The following ZNF385B variants were observed in gnomAD, a reference collection of about 807,000 sequenced individuals.
The protein encoded by ZNF385B is zinc finger protein 533.
ZNF385B carries 23 observed loss-of-function variants against 39.2 expected under a neutral mutation model. The ratio of observed to expected loss-of-function variants is 0.59; its 90% CI spans 0.42 to 0.83. ZNF385B has a LOEUF of 0.83. ZNF385B is among the 40% of genes least tolerant of loss of function. ZNF385B has a pLI of 0.00. For missense variants in ZNF385B, 552 were observed against 598.9 expected (o/e 0.92, Z 0.82); for synonymous variants, 205 against 222.6 (o/e 0.92, Z 0.70).
At chr2:179,524,551 C>CAAAAAAAAGAAAAAAA (rs1300764305) in intron 4 of ZNF385B, among the ~76,000 whole-genome samples, 16 of 60,972 alleles carry the variant, frequency 2.6e-4, no homozygotes, top group Non-Finnish European at 4.0e-4. Flanking sequence ...GACTCCGTCT[C>CAAAAAAAAGAAAAAAA]AAAAAAAAAA....
chr2:179,795,892 C>A (rs1705632643), intron 1 of ZNF385B, among the ~76,000 whole-genome samples: 1 of 152,164 alleles, frequency 6.6e-6, no homozygotes, highest in African/African-American at 2.4e-5. Flanking sequence ...AGCACCTACA[C>A]ACAGTGAGAA....
intron 5 of ZNF385B, among the ~76,000 whole-genome samples, chr2:179,512,128 A>G (rs1368263326): frequency 6.6e-6 from 1 of 152,132 alleles, no homozygotes; most frequent in African/African-American, 2.4e-5. Context: ...GACTTAGAGT[A>G]TATAAAACTT....
In ZNF385B at chr2:179,544,848, C is replaced by G. The variant is rs2060128079; in HGVS notation, c.420G>C (p.Gly140=). 6.2e-7 allele frequency: 1 copy of G among 1,613,950 alleles called. No homozygotes were observed. Among genetic ancestry groups the G allele is most frequent in the South Asian group, 1.1e-5 (1 of 91,068 alleles). ...SFPVDSSSAV[G]LFPNFNTMDP... ...TCACTGTGTTAAAATTTGGAAAGAG[C>G]CCAACAGCAGAACTACTGTCCACTG... Residue 140 remains glycine (G), a synonymous_variant, in exon 4 of 10, where the codon GGG becomes GGC. Coordinates refer to ENST00000410066, the MANE Select transcript of ZNF385B (RefSeq NM_152520.6).
intron 1 of ZNF385B, among the ~76,000 whole-genome samples, chr2:179,830,995 T>A (rs1575568781): frequency 6.6e-6 from 1 of 152,210 alleles, no homozygotes; most frequent in African/African-American, 2.4e-5. Context: ...TCTGCTCAAC[T>A]TTTCTGTAAA....
intron 3 of ZNF385B, among the ~76,000 whole-genome samples, chr2:179,712,703 T>C (rs1700080765): frequency 6.6e-6 from 1 of 152,178 alleles, no homozygotes; most frequent in Non-Finnish European, 1.5e-5. Context: ...AAATCAGAAT[T>C]TGCACTTTAA....
chr2:179,762,492 G>A (rs1703462308), intron 3 of ZNF385B, among the ~76,000 whole-genome samples: 1 of 151,920 alleles, frequency 6.6e-6, no homozygotes, highest in Non-Finnish European at 1.5e-5. Context: ...ATGCCCAGGT[G>A]GTAGATTATT....
At chr2:179,852,797 G>A (rs1220813790) in intron 1 of ZNF385B, among the ~76,000 whole-genome samples, 1 of 152,180 alleles carries the variant, frequency 6.6e-6, no homozygotes, top group Non-Finnish European at 1.5e-5. Flanking sequence ...GTGAGTCAGA[G>A]CTTTCAAGGG....
At chr2:179,658,971 T>C (rs1694134603) in intron 3 of ZNF385B, among the ~76,000 whole-genome samples, 1 of 152,152 alleles carries the variant, frequency 6.6e-6, no homozygotes, top group Admixed American at 6.5e-5. Flanking sequence ...GAGATGGGGC[T>C]TCACCATGTT....
At chr2:179,781,695 A>G (rs1704673699) in intron 1 of ZNF385B, among the ~76,000 whole-genome samples, 1 of 152,042 alleles carries the variant, frequency 6.6e-6, no homozygotes, top group Non-Finnish European at 1.5e-5. Context: ...ACCTCTATAT[A>G]CTCTATATAC....
intron 3 of ZNF385B, among the ~76,000 whole-genome samples, chr2:179,560,144 C>A (rs2061234877): frequency 6.6e-6 from 1 of 152,020 alleles, no homozygotes; most frequent in Non-Finnish European, 1.5e-5. Flanking sequence ...TTCATTTTGG[C>A]TCCCCAAATA....
chr2:179,621,164 G>A (rs772512804), intron 3 of ZNF385B, among the ~76,000 whole-genome samples: 5 of 151,972 alleles, frequency 3.3e-5, no homozygotes, highest in Non-Finnish European at 1.5e-5. Flanking sequence ...AAAAAGGGGA[G>A]GGGGAAAAAG....
intron 3 of ZNF385B, among the ~76,000 whole-genome samples, chr2:179,556,480 C>T (rs2060914142): frequency 6.7e-6 from 1 of 149,684 alleles, no homozygotes; most frequent in South Asian, 2.1e-4. Flanking sequence ...CTCAAGTTTT[C>T]TGCAATAATT....
In ZNF385B at chr2:179,850,107, T is replaced by C. The variant is rs259813; in HGVS notation, c.-155+10994A>G. 7.6e-3 allele frequency among the ~76,000 whole-genome samples: 1,162 copies of C among 152,290 alleles called. 18 individuals carry two copies. The highest frequency in any genetic ancestry group is 0.027 in the African/African-American group (1,102 of 41,550). On this transcript the variant is annotated intron_variant, in intron 1 of 9. Transcript: ENST00000410066. Reference sequence around the variant, plus strand: ...TAATAAGTGCAGTGTGCTCAAAAGCTGGAAAAATAATAAAAAGCTGGGGGG... The same window carrying C: ...TAATAAGTGCAGTGTGCTCAAAAGCCGGAAAAATAATAAAAAGCTGGGGGG...
intron 6 of ZNF385B, among the ~76,000 whole-genome samples, chr2:179,465,124 C>T (rs567460648): frequency 1.4e-3 from 206 of 152,202 alleles, no homozygotes; most frequent in Non-Finnish European, 2.3e-3. Context: ...GAAACTTTTT[C>T]CCTTCAATGT....
At chr2:179,761,676 C>T (rs1703396569) in intron 3 of ZNF385B, among the ~76,000 whole-genome samples, 1 of 151,426 alleles carries the variant, frequency 6.6e-6, no homozygotes, top group South Asian at 2.1e-4. Flanking sequence ...CCTCTTGAGC[C>T]CAAGCAATCC....
Position 179,825,538 on chromosome 2 carries a change from C to T in ZNF385B, c.-155+35563G>A, listed in dbSNP as rs114054838. Among the ~76,000 whole-genome samples, 854 of 152,246 alleles carry T rather than the reference C, an allele frequency of 5.6e-3. 13 individuals carry two copies. Among genetic ancestry groups the T allele is most frequent in the African/African-American group, 0.02 (828 of 41,554 alleles). ...AAATAACCACCCCCCAGTATTCTAA[C>T]AGTTTAAAGGCAAGATTTAAAAGCA... is the stretch of plus-strand genomic sequence containing the variant. On this transcript the variant is annotated intron_variant, in intron 1 of 9. Coordinates refer to ENST00000410066, the MANE Select transcript of ZNF385B (RefSeq NM_152520.6).
chr2:179,445,109 A>G, intron 8 of ZNF385B, 132 bp from the exon 9 acceptor site: 1 of 754,334 alleles, frequency 1.3e-6, no homozygotes, highest in Non-Finnish European at 2.3e-6. Context: ...TAAAATCATT[A>G]TGATTTCTAA....
At chr2:179,805,332 T>C (rs1706283723) in intron 1 of ZNF385B, among the ~76,000 whole-genome samples, 1 of 152,162 alleles carries the variant, frequency 6.6e-6, no homozygotes, top group Non-Finnish European at 1.5e-5. Context: ...CTAGGCATCA[T>C]CACATGCTCA....
intron 3 of ZNF385B, among the ~76,000 whole-genome samples, chr2:179,644,348 CT>C (rs11319580): frequency 0.27 from 41,280 of 151,986 alleles, 5,969 homozygotes; most frequent in South Asian, 0.36. Flanking sequence ...CAGAACAATC[CT>C]ACCAGTTAGG....
Sources: gnomAD v4.1 joint callset for allele counts (sites outside exome capture counted in the v4.1 genomes callset) on GRCh38, gnomAD v4.1.1 for gene constraint, MANE v1.5 for transcripts, NCBI Gene and HGNC (gene_info 2026-07-23, HGNC 2026-07-21) for gene names.